Variants in TET2 observed in about 807,000 individuals in gnomAD.
TET2 encodes the protein methylcytosine dioxygenase TET2.
TET2 carries 299 observed loss-of-function variants against 142.9 expected under a neutral mutation model. The observed-to-expected ratio is 2.09, with a 90% CI of 1.90 to 2.30. The LOEUF is 2.30. Among genes scored for constraint, TET2 ranks in the 30% most tolerant of loss-of-function variants. The pLI, the probability that TET2 is intolerant of heterozygous loss-of-function variation, is 0.00. For missense variants in TET2, 2,418 were observed against 2,378.0 expected, an observed-to-expected ratio of 1.02 and a Z score of -0.35; for synonymous variants, 819 against 849.0, an observed-to-expected ratio of 0.96 and a Z score of 0.61.
chr4:105,269,848 A>G (rs1289982900), intron 9 of TET2, 101 bp downstream of exon 9: 2 of 1,376,396 alleles, frequency 1.5e-6, no homozygotes, highest in Non-Finnish European at 2.0e-6. Context: ...AAAGAGATTT[A>G]ATTGACTCAC....
chr4:105,206,512 A>G (rs1726835860), intron 2 of TET2, among the ~76,000 whole-genome samples: 1 of 152,172 alleles, frequency 6.6e-6, no homozygotes, highest in South Asian at 2.1e-4. Flanking sequence ...TTTGTCTATC[A>G]CAGCCCATGC....
intron 1 of TET2, among the ~76,000 whole-genome samples, chr4:105,163,548 G>C (rs1560716365): frequency 6.6e-6 from 1 of 152,048 alleles, no homozygotes; most frequent in Non-Finnish European, 1.5e-5. Flanking sequence ...GTTGGGTTAA[G>C]TACCATGCTA....
Position 105,276,431 on chromosome 4 carries a change from G to C in TET2, c.5921G>C (p.Arg1974Thr). The change falls in exon 11 of 11, where the codon AGG becomes ACG. Residue 1974 changes from arginine (R) to threonine (T), a missense_variant. Coordinates refer to ENST00000380013, the MANE Select transcript of TET2 (RefSeq NM_001127208.3). Reference protein sequence around the residue: ...YLRFIKSLAERTMSVTTDSTV... With the variant: ...YLRFIKSLAETTMSVTTDSTV... Reference sequence around the variant, plus strand: ...CGTTTCATCAAGTCTCTTGCCGAAAGGACCATGTCCGTGACCACAGACTCC... The same window carrying C: ...CGTTTCATCAAGTCTCTTGCCGAAACGACCATGTCCGTGACCACAGACTCC... 6.4e-7 allele frequency: 1 copy of C among 1,551,904 alleles called. No individual in the cohort carries two copies. Among genetic ancestry groups the C allele is most frequent in the African/African-American group, 1.4e-5 (1 of 73,144 alleles).
intron 4 of TET2, chr4:105,241,921 A>C: frequency 2.4e-6 from 3 of 1,236,746 alleles, no homozygotes; most frequent in East Asian, 6.4e-5. Context: ...AAAGAGAAAC[A>C]TACTATTTAC....
intron 8 of TET2, among the ~76,000 whole-genome samples, chr4:105,262,649 A>G (rs1463724459): frequency 3.3e-5 from 5 of 152,128 alleles, no homozygotes; most frequent in Admixed American, 1.3e-4. Flanking sequence ...TGGGAGGCCA[A>G]GGCAGGTGGA....
rs1296509534 is a variant in TET2, at chr4:105,272,634, T to G, written c.4253T>G (p.Leu1418Arg). 1 of 1,551,394 alleles carries G rather than the reference T, an allele frequency of 6.4e-7. No homozygotes were observed. Among genetic ancestry groups the G allele is most frequent in the African/African-American group, 1.4e-5 (1 of 73,156 alleles). ...CCTGAGGATGAGCAGCTTCACGTTC[T>G]GCCTTTATACAAAGTCTCTGACGTG... Reference protein sequence around the residue: ...GKPEDEQLHVLPLYKVSDVDE... With the variant: ...GKPEDEQLHVRPLYKVSDVDE... Residue 1418 changes from leucine to arginine, a missense_variant, in exon 10 of 11, where the codon CTG becomes CGG. By Grantham distance (102) the Leu-to-Arg change is moderately radical. Transcript: ENST00000380013.
intron 1 of TET2, among the ~76,000 whole-genome samples, chr4:105,170,766 A>C (rs1284005850): frequency 6.6e-6 from 1 of 152,216 alleles, no homozygotes; most frequent in African/African-American, 2.4e-5. Context: ...TGTTTCAATT[A>C]CATTGTGCAT....
In TET2 at chr4:105,242,277, G is replaced by GT. The variant is rs552814111; in HGVS notation, c.3501-550dup. 3.0e-4 allele frequency: 325 copies of GT among 1,081,366 alleles called. 1 individual carries two copies. The African/African-American group carries it at 4.6e-3, about 15-fold the overall frequency. The allele number at this position is 1,081,366 out of a possible 1,614,324, so 67.0% of individuals were successfully genotyped here. A position where few individuals can be genotyped will look rare whatever the true frequency, so the allele number is the denominator to read the frequency against. On this transcript the variant is annotated intron_variant, in intron 4 of 10. Coordinates refer to ENST00000380013, the MANE Select transcript of TET2 (RefSeq NM_001127208.3). ...TTTCCCTAAGTGCCTTTTTTTTGTTGTTTTTTTGTTTTGTTTTTTAAACAA... is the reference window on the plus strand; with the variant it reads ...TTTCCCTAAGTGCCTTTTTTTTGTTGTTTTTTTTGTTTTGTTTTTTAAACAA...
intron 2 of TET2, among the ~76,000 whole-genome samples, chr4:105,231,475 C>T (rs559400995): frequency 1.1e-4 from 17 of 152,220 alleles, no homozygotes; most frequent in Middle Eastern, 3.4e-3. Flanking sequence ...AGTAAAACTT[C>T]TGACTGGTTG....
At chr4:105,152,491 C>CA (rs1445625717) in intron 1 of TET2, among the ~76,000 whole-genome samples, 3 of 151,418 alleles carry the variant, frequency 2.0e-5, no homozygotes, top group Non-Finnish European at 4.4e-5. Flanking sequence ...GTTGACCTCT[C>CA]AGTCAATATT....
At chr4:105,183,512 T>C (rs991033472) in intron 1 of TET2, among the ~76,000 whole-genome samples, 2 of 152,110 alleles carry the variant, frequency 1.3e-5, no homozygotes, top group Admixed American at 1.3e-4. Flanking sequence ...TAAAGCTGGG[T>C]TGGAACAGAA....
Position 105,235,548 on chromosome 4 carries a change from A to T in TET2, c.1606A>T (p.Lys536Ter), listed in dbSNP as rs1446446784. The T allele has an allele frequency of 6.2e-7, 1 of 1,614,170 alleles. No individual in the cohort carries two copies. The change falls in exon 3 of 11, where the codon AAA becomes TAA. Residue 536 changes from lysine (K) to a stop codon, truncating the protein, a stop_gained. Transcript: ENST00000380013. LOFTEE classifies it high-confidence loss of function. ...CAACTGCCAGCAGTTGATGAGAAAC[A>T]AAGAGCAAGAGATTCTGAAGGGTCG... ...QDNCQQLMRN[K>*]EQEILKGRDK... is the part of the protein sequence containing the mutation.
intron 1 of TET2, among the ~76,000 whole-genome samples, chr4:105,184,531 T>C (rs1372698442): frequency 6.6e-6 from 1 of 152,206 alleles, no homozygotes; most frequent in East Asian, 1.9e-4. Context: ...GAGTCACCAC[T>C]TTGTCTATGT....
At chr4:105,237,545 A>C in intron 3 of TET2, 194 bp downstream of exon 3, 1 of 1,545,168 alleles carries the variant, frequency 6.5e-7, no homozygotes, top group East Asian at 2.3e-5. Flanking sequence ...CTTCACTTAC[A>C]TGCAGTTTTT....
chr4:105,221,747 G>T (rs903374705), intron 2 of TET2, among the ~76,000 whole-genome samples: 1 of 151,304 alleles, frequency 6.6e-6, no homozygotes, highest in African/African-American at 2.4e-5. Context: ...AAGTTTTAGG[G>T]TACATGGGCA....
chr4:105,210,874 A>G (rs1727117981), intron 2 of TET2, among the ~76,000 whole-genome samples: 1 of 152,180 alleles, frequency 6.6e-6, no homozygotes, highest in African/African-American at 2.4e-5. Context: ...TATGTTTTAT[A>G]CTTTTAATTC....
intron 3 of TET2, 145 bp from the exon 4 acceptor site, chr4:105,241,194 T>C (rs1729277889): frequency 7.6e-7 from 1 of 1,323,372 alleles, no homozygotes; most frequent in Non-Finnish European, 9.8e-7. Flanking sequence ...GATCAGTCCA[T>C]CAATCTACTC....
rs1731255398 is a variant in TET2, at chr4:105,276,891, A to G, written c.*372A>G. The G allele has an allele frequency of 1.0e-5, 2 of 195,264 alleles. No homozygotes were observed. Among genetic ancestry groups the G allele is most frequent in the Non-Finnish European group, 2.0e-5 (2 of 101,094 alleles). 12.1% of individuals were successfully genotyped at this position (195,264 alleles called of 1,614,324 possible). ...ATCTGTGACCACTTTTAATAATATC[A>G]AGTTTGCATAGTCATGGAACACAAA... On this transcript the variant is annotated 3_prime_UTR_variant, in exon 11 of 11. Coordinates refer to ENST00000380013, the MANE Select transcript of TET2 (RefSeq NM_001127208.3).
chr4:105,158,473 A>G (rs999650944), intron 1 of TET2, among the ~76,000 whole-genome samples: 5 of 152,226 alleles, frequency 3.3e-5, no homozygotes, highest in Admixed American at 2.0e-4. Context: ...GAAGAGAGGT[A>G]AAATGCTACT....
Sources: allele counts gnomAD v4.1 joint callset (sites outside exome capture counted in the v4.1 genomes callset), GRCh38; gene constraint gnomAD v4.1.1; transcripts MANE v1.5; gene names NCBI Gene and HGNC (gene_info 2026-07-23, HGNC 2026-07-21).